SHCBP1L: variants seen among roughly 807,000 people sequenced by gnomAD.
SHCBP1L encodes SHC binding and spindle associated 1 like.
SHCBP1L carries 67 observed loss-of-function variants against 62.5 expected under a neutral mutation model. The ratio of observed to expected loss-of-function variants is 1.07; its 90% CI spans 0.88 to 1.31. The LOEUF is 1.31. Among genes scored for constraint, SHCBP1L ranks in the 40% most tolerant of loss-of-function variants. The pLI is 0.00. For missense variants in SHCBP1L, 823 were observed against 809.8 expected (o/e 1.02, Z -0.20); for synonymous variants, 284 against 289.4 (o/e 0.98, Z 0.19).
At chr1:182,915,312 T>C (rs917153009) in intron 6 of SHCBP1L, among the ~76,000 whole-genome samples, 16 of 149,284 alleles carry the variant, frequency 1.1e-4, no homozygotes, top group African/African-American at 4.0e-4. Flanking sequence ...TTAGATAAAA[T>C]AGACTTTAAT....
intron 5 of SHCBP1L, among the ~76,000 whole-genome samples, chr1:182,937,084 A>G (rs1300573017): frequency 6.6e-6 from 1 of 151,800 alleles, no homozygotes; most frequent in African/African-American, 2.4e-5. Flanking sequence ...TAATAATAAT[A>G]ATGATAATAA....
intron 6 of SHCBP1L, among the ~76,000 whole-genome samples, chr1:182,912,245 C>G (rs1463820844): frequency 6.6e-6 from 1 of 152,156 alleles, no homozygotes; most frequent in Admixed American, 6.5e-5. Context: ...AGTTTGAGAC[C>G]TGCCTGGGCA....
chr1:182,903,131 T>A lies in SHCBP1L; in HGVS notation c.1618A>T (p.Ile540Leu), dbSNP rs371451712. 1 of 1,601,800 alleles carries A rather than the reference T, an allele frequency of 6.2e-7. No individual in the cohort carries two copies. The highest frequency in any genetic ancestry group is 1.1e-5 in the South Asian group (1 of 88,914). ...GAGVELYPGS[I>L]AILERNEIHH... is the part of the protein sequence containing the mutation. ...ATTTCATTTCTTTCCAAAATAGCTA[T>A]GCTTCCAGGATACAGTTCAACACCA... Residue 540 changes from isoleucine (I) to leucine (L), a missense_variant, in exon 9 of 10, where the codon ATA becomes TTA. Coordinates refer to ENST00000367547, the MANE Select transcript of SHCBP1L (RefSeq NM_030933.4).
chr1:182,920,087 A>G (rs1270254934), intron 6 of SHCBP1L, among the ~76,000 whole-genome samples: 1 of 152,154 alleles, frequency 6.6e-6, no homozygotes, highest in Admixed American at 6.5e-5. Flanking sequence ...ACCCTGCTGC[A>G]CCGCTGCCAC....
In SHCBP1L at chr1:182,953,032, C is replaced by G; in HGVS notation, c.102G>C (p.Thr34=). The stretch of plus-strand genomic sequence containing the variant: ...TGCCCTTCAGGGTGGTCGCGGCCGC[C>G]GTGTCCCCGGAGACAGCGGAGGCGG... The part of the protein sequence containing the change: ...EKSASAVSGD[T]AAATTLKGTA... The change falls in exon 1 of 10, where the codon ACG becomes ACC. Residue 34 remains threonine, a synonymous_variant. Coordinates refer to ENST00000367547, the MANE Select transcript of SHCBP1L (RefSeq NM_030933.4). 6.5e-7 allele frequency: 1 copy of G among 1,543,838 alleles called. No homozygotes were observed. The highest frequency in any genetic ancestry group is 8.7e-7 in the Non-Finnish European group (1 of 1,149,778).
At chr1:182,919,641 G>A (rs1650467314) in intron 6 of SHCBP1L, among the ~76,000 whole-genome samples, 1 of 152,170 alleles carries the variant, frequency 6.6e-6, no homozygotes, top group Non-Finnish European at 1.5e-5. Context: ...ACCATGCATA[G>A]ACCACTAGGT....
At position 182,904,432 on chromosome 1, in the gene SHCBP1L, T is replaced by C; in HGVS notation, c.1337-2A>G. ...TAATTTCCTCTCTCTTTCCAACTCCTGATTCATAGGGATAAAAATACATTA... is the reference window on the plus strand; with the variant it reads ...TAATTTCCTCTCTCTTTCCAACTCCCGATTCATAGGGATAAAAATACATTA... On this transcript the variant is annotated splice_acceptor_variant, in intron 7 of 9. Coordinates refer to ENST00000367547, the MANE Select transcript of SHCBP1L (RefSeq NM_030933.4). LOFTEE classifies it high-confidence loss of function. 2 of 1,613,698 alleles carry C rather than the reference T, an allele frequency of 1.2e-6. No homozygotes were observed. Among genetic ancestry groups the C allele is most frequent in the Non-Finnish European group, 1.7e-6 (2 of 1,179,838 alleles).
intron 5 of SHCBP1L, among the ~76,000 whole-genome samples, chr1:182,933,045 G>A (rs376205023): frequency 1.3e-5 from 2 of 151,930 alleles, no homozygotes; most frequent in South Asian, 2.1e-4. Flanking sequence ...AGTTGGGATT[G>A]CAGGCACACA....
chr1:182,938,521 C>T (rs1287222213), intron 5 of SHCBP1L, among the ~76,000 whole-genome samples: 2 of 152,130 alleles, frequency 1.3e-5, no homozygotes, highest in African/African-American at 2.4e-5. Flanking sequence ...AGTGCAGTAG[C>T]ATGATCGATG....
chr1:182,921,236 A>G (rs1200135535), intron 6 of SHCBP1L, among the ~76,000 whole-genome samples: 1 of 152,214 alleles, frequency 6.6e-6, no homozygotes, highest in African/African-American at 2.4e-5. Context: ...ATCTTAAAGA[A>G]AAGAAACTCC....
chr1:182,953,052 A>G lies in SHCBP1L; in HGVS notation c.82T>C (p.Ser28Pro), dbSNP rs1056586389. Residue 28 changes from serine to proline, a missense_variant, in exon 1 of 10, where the codon TCC becomes CCC. Physicochemically the swap from Ser to Pro is moderately conservative, Grantham distance 74. Coordinates refer to ENST00000367547, the MANE Select transcript of SHCBP1L (RefSeq NM_030933.4). ...GCCGCCGTGTCCCCGGAGACAGCGGAGGCGGACTTCTCGCCTCGCCTGTCC... is the reference window on the plus strand; with the variant it reads ...GCCGCCGTGTCCCCGGAGACAGCGGGGGCGGACTTCTCGCCTCGCCTGTCC... ...SPDRRGEKSA[S>P]AVSGDTAAAT... The G allele has an allele frequency of 3.2e-6, 5 of 1,546,688 alleles. No individual in the cohort carries two copies. The highest frequency in any genetic ancestry group is 4.3e-6 in the Non-Finnish European group (5 of 1,151,810).
At chr1:182,942,373 T>TGACC (rs759710644) in intron 2 of SHCBP1L, 105 of 756,820 alleles carry the variant, frequency 1.4e-4, no homozygotes, top group Non-Finnish European at 2.1e-4. Flanking sequence ...TGGCGGCCCC[T>TGACC]TCGGCGGAGC....
At position 182,942,337 on chromosome 1, in the gene SHCBP1L, C is replaced by T. The variant is rs1651394690; in HGVS notation, c.556-1794G>A. The T allele has an allele frequency of 6.3e-6, 5 of 798,046 alleles. No individual in the cohort carries two copies. In the Admixed American group the frequency reaches 6.8e-5, roughly 11 times the overall value. The allele number at this position is 798,046 out of a possible 1,614,324, so 49.4% of individuals were successfully genotyped here. ...TTGCAGGAGGCTTAGCTGACAACCG[C>T]CCCGATCTCCTGTTGGGCTCTTCCT... is the stretch of plus-strand genomic sequence containing the variant. On this transcript the variant is annotated intron_variant, in intron 2 of 9. Coordinates refer to ENST00000367547, the MANE Select transcript of SHCBP1L (RefSeq NM_030933.4).
intron 1 of SHCBP1L, 177 bp downstream of exon 1, chr1:182,952,552 G>C (rs1450868856): frequency 2.9e-6 from 2 of 695,846 alleles, no homozygotes; most frequent in Non-Finnish European, 4.4e-6. Flanking sequence ...AGGGCAGGAC[G>C]CGGGCACCTC....
intron 6 of SHCBP1L, among the ~76,000 whole-genome samples, chr1:182,924,458 C>A (rs992533957): frequency 6.6e-6 from 1 of 151,668 alleles, no homozygotes; most frequent in African/African-American, 2.4e-5. Flanking sequence ...CTACAATGCC[C>A]GGCTAATTTT....
chr1:182,929,169 A>T (rs972230626), intron 6 of SHCBP1L, among the ~76,000 whole-genome samples: 3 of 152,144 alleles, frequency 2.0e-5, no homozygotes, highest in African/African-American at 7.2e-5. Context: ...ATCCTTCAGG[A>T]TTCAGCTGAG....
chr1:182,918,263 C>T (rs1650424171), intron 6 of SHCBP1L, among the ~76,000 whole-genome samples: 2 of 138,046 alleles, frequency 1.4e-5, no homozygotes, highest in African/African-American at 5.7e-5. Flanking sequence ...TATATATCTC[C>T]AAGGAATGCA....
intron 6 of SHCBP1L, among the ~76,000 whole-genome samples, chr1:182,924,218 T>G (rs138011271): frequency 0.011 from 1,645 of 151,638 alleles, 15 homozygotes; most frequent in Admixed American, 0.018. Context: ...ATTGCAAAAC[T>G]ACAAAATGCT....
chr1:182,930,437 C>T (rs1012231149), intron 5 of SHCBP1L, among the ~76,000 whole-genome samples: 6 of 150,562 alleles, frequency 4.0e-5, no homozygotes, highest in Admixed American at 2.0e-4. Context: ...AAAAGGGACA[C>T]TCTTTTTCCA....
Sources: gnomAD v4.1 joint callset for allele counts (sites outside exome capture counted in the v4.1 genomes callset) on GRCh38, gnomAD v4.1.1 for gene constraint, MANE v1.5 for transcripts, NCBI Gene and HGNC (gene_info 2026-07-23, HGNC 2026-07-21) for gene names.